The following EGFLAM variants were observed in gnomAD, a reference collection of about 807,000 sequenced individuals.
The protein encoded by EGFLAM is pikachurin.
Under a neutral mutation model 113.1 loss-of-function variants are expected in EGFLAM, and 79 were observed. That is an observed-to-expected ratio of 0.70 (90% CI 0.58 to 0.84). The LOEUF is 0.84. Ranked by LOEUF, EGFLAM falls within the 40% of genes least tolerant of loss-of-function variation. The pLI is 0.00. For synonymous variants in EGFLAM, 504 were observed against 487.6 expected (o/e 1.03, Z -0.44); for missense variants, 1,265 against 1,291.6 (o/e 0.98, Z 0.32).
At chr5:38,352,903 C>G (rs74559357) in intron 5 of EGFLAM, among the ~76,000 whole-genome samples, 5 of 152,162 alleles carry the variant, frequency 3.3e-5, no homozygotes, top group African/African-American at 1.2e-4. Flanking sequence ...TCTGAAAACT[C>G]CTGAGGTACC....
At chr5:38,330,357 C>G (rs1357604130) in intron 1 of EGFLAM, among the ~76,000 whole-genome samples, 2 of 152,138 alleles carry the variant, frequency 1.3e-5, no homozygotes, top group African/African-American at 4.8e-5. Context: ...ACTCATCATT[C>G]CAGGACCCAT....
At chr5:38,429,041 G>A (rs552536683) in intron 14 of EGFLAM, among the ~76,000 whole-genome samples, 1 of 152,266 alleles carries the variant, frequency 6.6e-6, no homozygotes, top group Admixed American at 6.5e-5. Context: ...AAGACTTCTT[G>A]CTCAATTAAG....
chr5:38,326,357 G>A lies in EGFLAM; in HGVS notation c.98-11163G>A, dbSNP rs76961489. Among the ~76,000 whole-genome samples the A allele has an allele frequency of 2.2e-3, 338 of 152,272 alleles. 8 individuals are homozygous for A. The East Asian group carries it at 0.042, about 19-fold the overall frequency. Reference sequence around the variant, plus strand: ...AGCAGCAACCGAAGTAGAGAGGAGCGAATGGCCGCCTGTTCTGTGCTCTTT... The same window carrying A: ...AGCAGCAACCGAAGTAGAGAGGAGCAAATGGCCGCCTGTTCTGTGCTCTTT... On this transcript the variant is annotated intron_variant, in intron 1 of 21. Transcript: ENST00000322350.
chr5:38,278,803 T>G (rs1163098405), intron 1 of EGFLAM, among the ~76,000 whole-genome samples: 1 of 101,250 alleles, frequency 9.9e-6, no homozygotes, highest in Non-Finnish European at 1.8e-5. Flanking sequence ...GTCAATGATT[T>G]TTTTTTTTTG....
intron 6 of EGFLAM, among the ~76,000 whole-genome samples, chr5:38,387,430 T>C (rs1740695057): frequency 6.6e-6 from 1 of 152,232 alleles, no homozygotes; most frequent in African/African-American, 2.4e-5. Context: ...GGAGCCTTTT[T>C]GGCTATTCCA....
chr5:38,381,755 G>A (rs1718777194), intron 6 of EGFLAM, among the ~76,000 whole-genome samples: 1 of 152,128 alleles, frequency 6.6e-6, no homozygotes, highest in African/African-American at 2.4e-5. Context: ...TTCCTAATGG[G>A]CAGCACACAA....
intron 3 of EGFLAM, among the ~76,000 whole-genome samples, chr5:38,349,697 C>T (rs1739563095): frequency 6.6e-6 from 1 of 151,462 alleles, no homozygotes; most frequent in Non-Finnish European, 1.5e-5. Flanking sequence ...CCACTTTTGC[C>T]AAAGCTCAAG....
intron 1 of EGFLAM, among the ~76,000 whole-genome samples, chr5:38,277,141 C>A (rs1757904637): frequency 6.6e-6 from 1 of 152,060 alleles, no homozygotes; most frequent in Non-Finnish European, 1.5e-5. Flanking sequence ...ATATCCCCAG[C>A]AAACTTGAAT....
intron 9 of EGFLAM, among the ~76,000 whole-genome samples, chr5:38,408,585 T>TAG (rs1400439512): frequency 6.6e-6 from 1 of 152,124 alleles, no homozygotes; most frequent in Non-Finnish European, 1.5e-5. Context: ...GTTCTCCTGA[T>TAG]AGAAGGAAAG....
intron 19 of EGFLAM, among the ~76,000 whole-genome samples, chr5:38,455,336 C>A (rs1218551338): frequency 6.6e-6 from 1 of 152,156 alleles, no homozygotes; most frequent in African/African-American, 2.4e-5. Flanking sequence ...ATCATGGCAA[C>A]CAGGTTCCCA....
intron 17 of EGFLAM, among the ~76,000 whole-genome samples, chr5:38,443,486 G>C (rs563620109): frequency 1.3e-5 from 2 of 152,300 alleles, no homozygotes; most frequent in African/African-American, 4.8e-5. Flanking sequence ...AGGGCTGCTA[G>C]TTTAGGGAAA....
rs1742306416 is a variant in EGFLAM, at chr5:38,435,219, G to A, written c.2249G>A (p.Gly750Asp). 1.2e-6 allele frequency: 2 copies of A among 1,613,986 alleles called. No homozygotes were observed. Among genetic ancestry groups the A allele is most frequent in the Non-Finnish European group, 1.7e-6 (2 of 1,180,034 alleles). The change falls in exon 16 of 22, where the codon GGT (glycine) becomes GAT (aspartate). Residue 750 changes from glycine to aspartate, a missense_variant. Coordinates refer to ENST00000322350, the MANE Select transcript of EGFLAM (RefSeq NM_152403.4). ...TATGATGATGTGAAGAAGAACTCGGGTGTCCTGAAGCCTTTCAGCGGGAGC... is the reference window on the plus strand; with the variant it reads ...TATGATGATGTGAAGAAGAACTCGGATGTCCTGAAGCCTTTCAGCGGGAGC... ...PNYDDVKKNS[G>D]VLKPFSGSIQ...
intron 1 of EGFLAM, among the ~76,000 whole-genome samples, chr5:38,329,470 G>A (rs879865573): frequency 5.3e-5 from 8 of 151,966 alleles, no homozygotes; most frequent in Admixed American, 1.3e-4. Context: ...ACCAGCTGCC[G>A]GCAACCACAC....
chr5:38,421,327 CTTGA>C (rs1476148429), intron 12 of EGFLAM, among the ~76,000 whole-genome samples: 3 of 152,198 alleles, frequency 2.0e-5, no homozygotes, highest in Non-Finnish European at 4.4e-5. Flanking sequence ...TGGTCCAGCT[CTTGA>C]TTATTTCCAT....
intron 1 of EGFLAM, among the ~76,000 whole-genome samples, chr5:38,274,022 G>A (rs994824287): frequency 1.3e-5 from 2 of 151,924 alleles, no homozygotes; most frequent in East Asian, 3.9e-4. Context: ...ATTTAACAGA[G>A]AAATATTAAA....
chr5:38,451,338 T>C lies in EGFLAM; in HGVS notation c.2567T>C (p.Val856Ala). 6.2e-7 allele frequency: 1 copy of C among 1,614,138 alleles called. No homozygotes were observed. The highest frequency in any genetic ancestry group is 8.5e-7 in the Non-Finnish European group (1 of 1,179,962). Residue 856 changes from valine (V) to alanine (A), a missense_variant, in exon 19 of 22, where the codon GTG becomes GCG. By Grantham distance (64) the Val-to-Ala change is moderately conservative. Coordinates refer to ENST00000322350, the MANE Select transcript of EGFLAM (RefSeq NM_152403.4). Reference protein sequence around the residue: ...LKRVSGSRSNVFMRFKTTAKD... With the variant: ...LKRVSGSRSNAFMRFKTTAKD... Reference sequence around the variant, plus strand: ...AGGGTGTCAGGATCAAGATCAAATGTGTTCATGAGGTTTAAAACAACTGCC... The same window carrying C: ...AGGGTGTCAGGATCAAGATCAAATGCGTTCATGAGGTTTAAAACAACTGCC...
At chr5:38,436,026 C>T (rs956897384) in intron 16 of EGFLAM, among the ~76,000 whole-genome samples, 1 of 152,024 alleles carries the variant, frequency 6.6e-6, no homozygotes, top group African/African-American at 2.4e-5. Context: ...CCATGTTGGC[C>T]AGGCTGGTCT....
At chr5:38,371,222 G>A (rs1470655064) in intron 6 of EGFLAM, among the ~76,000 whole-genome samples, 1 of 152,122 alleles carries the variant, frequency 6.6e-6, no homozygotes, top group African/African-American at 2.4e-5. Context: ...GAAAATGTTG[G>A]CACTTTTTTG....
chr5:38,328,367 C>T (rs1181751634), intron 1 of EGFLAM, among the ~76,000 whole-genome samples: 2 of 152,194 alleles, frequency 1.3e-5, no homozygotes, highest in East Asian at 1.9e-4. Flanking sequence ...GATTGCAATT[C>T]GACATGCGGG....
Sources: allele counts gnomAD v4.1 joint callset (sites outside exome capture counted in the v4.1 genomes callset), GRCh38; gene constraint gnomAD v4.1.1; transcripts MANE v1.5; gene names NCBI Gene and HGNC (gene_info 2026-07-23, HGNC 2026-07-21).